Variants in PTPRS observed in about 807,000 individuals in gnomAD.
The protein encoded by PTPRS is protein tyrosine phosphatase receptor type S, also known as receptor-type tyrosine-protein phosphatase S.
In PTPRS, 63 loss-of-function variants were observed where a neutral mutation model predicts 215.3. That is an observed-to-expected ratio of 0.29 (90% CI 0.24 to 0.36). The LOEUF (loss-of-function observed/expected upper bound fraction) is 0.36, where lower values mean the gene tolerates loss of function less well. Among genes scored for constraint, PTPRS ranks in the 10% least tolerant of loss-of-function variants. The pLI, the probability that PTPRS is intolerant of heterozygous loss-of-function variation, is 1.00. For missense variants in PTPRS, 2,258 were observed against 2,825.8 expected (o/e 0.80, Z 4.56); for synonymous variants, 1,404 against 1,191.4 (o/e 1.18, Z -3.68).
At chr19:5,253,103 T>C (rs769223818) in intron 9 of PTPRS, among the ~76,000 whole-genome samples, 4 of 152,072 alleles carry the variant, frequency 2.6e-5, no homozygotes, top group African/African-American at 4.8e-5. Context: ...AGAACATTCA[T>C]AGTCAGGGAG....
Position 5,222,989 on chromosome 19 carries a change from G to A in PTPRS, c.2803C>T (p.Leu935=), listed in dbSNP as rs1064296. 1 of 1,541,514 alleles carries A rather than the reference G, an allele frequency of 6.5e-7. No homozygotes were observed. The highest frequency in any genetic ancestry group is 1.2e-5 in the South Asian group (1 of 84,276). Reference sequence around the variant, plus strand: ...GCCGAGGCGTTGCCGGCCGCCTCCAGAATCTGCGGGTGGCCACGGGGCGTG... The same window carrying A: ...GCCGAGGCGTTGCCGGCCGCCTCCAAAATCTGCGGGTGGCCACGGGGCGTG... ...EDTPRGHPQI[L]EAAGNASAGT... Residue 935 remains leucine (L), a synonymous_variant, in exon 18 of 38, where the codon CTG becomes TTG. Transcript: ENST00000262963.
rs4807697 is a variant in PTPRS, at chr19:5,214,686, A to G, written c.4369T>C (p.Cys1457Arg). The change falls in exon 29 of 38, where the codon TGT becomes CGT. Residue 1457 changes from cysteine to arginine, a missense_variant. Cys to Arg is a radical substitution (Grantham distance 180). Coordinates refer to ENST00000262963, the MANE Select transcript of PTPRS (RefSeq NM_002850.4). ...INANYVDGYRCQNAYIATQGP... is the reference protein window; with the variant it reads ...INANYVDGYRRQNAYIATQGP... ...TGCGTGGCAATGTACGCGTTCTGAC[A>G]CCGGTAGCCGTCCACGTAGTTGGCA... 1,609,467 of 1,612,500 alleles carry G rather than the reference A, an allele frequency of 1. 803,223 individuals are homozygous for G. Among genetic ancestry groups the G allele is most frequent in the East Asian group, 1 (44,833 of 44,834 alleles).
At chr19:5,308,658 G>T (rs1338112166) in intron 1 of PTPRS, among the ~76,000 whole-genome samples, 8 of 152,214 alleles carry the variant, frequency 5.3e-5, no homozygotes, top group Admixed American at 5.2e-4. Flanking sequence ...AGCAGTGGGG[G>T]AAGAGAGCAG....
chr19:5,261,539 T>C (rs2045990626), intron 6 of PTPRS, among the ~76,000 whole-genome samples: 1 of 152,202 alleles, frequency 6.6e-6, no homozygotes, highest in African/African-American at 2.4e-5. Context: ...GGAGAAGTTT[T>C]GGGCCCCCTT....
intron 1 of PTPRS, among the ~76,000 whole-genome samples, chr19:5,325,528 T>G (rs914580459): frequency 6.6e-6 from 1 of 152,176 alleles, no homozygotes; most frequent in Non-Finnish European, 1.5e-5. Context: ...GCCCCCTGCC[T>G]CCACACCACG....
intron 4 of PTPRS, 74 bp from the exon 5 acceptor site, chr19:5,265,270 G>GAGTGGCTGTGCA: frequency 1.4e-6 from 2 of 1,425,834 alleles, no homozygotes; most frequent in East Asian, 2.3e-5. Flanking sequence ...TGGGGCTCAG[G>GAGTGGCTGTGCA]GACTGCCTGG....
intron 30 of PTPRS, 56 bp downstream of exon 30, chr19:5,214,305 C>A: frequency 6.2e-7 from 1 of 1,611,348 alleles, no homozygotes; most frequent in Non-Finnish European, 8.5e-7. Context: ...GGGCCCTCTG[C>A]CTCCCTTCCA....
At position 5,287,772 on chromosome 19, in the gene PTPRS, CAT is replaced by C. The variant is rs1429049301; in HGVS notation, c.-94-1540_-94-1539del. 3.3e-5 allele frequency among the ~76,000 whole-genome samples: 5 copies of C among 152,210 alleles called. No individual in the cohort carries two copies. The highest frequency in any genetic ancestry group is 3.9e-4 in the East Asian group (2 of 5,172). On this transcript the variant is annotated intron_variant, in intron 1 of 37. Transcript: ENST00000262963. This position sits in a 1 kb window ranked among gnomAD's most constrained non-coding sequence, Gnocchi z 4.8. ...ACGGGATTCGGGGGGCCTCAGTGTA[CAT>C]AGTTAGGCCACAGGCATACAGTCAG... is the stretch of plus-strand genomic sequence containing the variant.
intron 2 of PTPRS, among the ~76,000 whole-genome samples, chr19:5,281,186 C>T (rs1317502631): frequency 1.3e-5 from 2 of 151,934 alleles, no homozygotes; most frequent in Non-Finnish European, 2.9e-5. Flanking sequence ...AGAAGCTGGG[C>T]ATGGTAGCTC....
intron 17 of PTPRS, 21 bp downstream of exon 17, chr19:5,225,706 G>T: frequency 6.3e-7 from 1 of 1,598,136 alleles, no homozygotes; most frequent in Non-Finnish European, 8.6e-7. Flanking sequence ...TTGGTGGGTG[G>T]GAGGAGGGCG....
rs556847648 is a variant in PTPRS, at chr19:5,325,747, T to C, written c.-95+14917A>G. Among the ~76,000 whole-genome samples, 21 of 152,238 alleles carry C rather than the reference T, an allele frequency of 1.4e-4. No homozygotes were observed. The East Asian group carries it at 3.3e-3, about 24-fold the overall frequency. Reference sequence around the variant, plus strand: ...GAGGACACCGGCCAATTCATCTCCTTCTCCTCAGTAAACAACTGTCAGGGA... The same window carrying C: ...GAGGACACCGGCCAATTCATCTCCTCCTCCTCAGTAAACAACTGTCAGGGA... On this transcript the variant is annotated intron_variant, in intron 1 of 37. Transcript: ENST00000262963.
At chr19:5,212,292 C>T (rs375839277) in intron 31 of PTPRS, 42 bp from the exon 32 acceptor site, 39 of 1,608,488 alleles carry the variant, frequency 2.4e-5, no homozygotes, top group South Asian at 6.6e-5. Flanking sequence ...TGCTGGGCTG[C>T]GGGGACCGGG....
At chr19:5,240,619 C>T (rs999442583) in intron 11 of PTPRS, among the ~76,000 whole-genome samples, 9 of 151,902 alleles carry the variant, frequency 5.9e-5, no homozygotes, top group Non-Finnish European at 1.3e-4. Flanking sequence ...GCGGGCAGAT[C>T]ACGAGATCAG....
intron 1 of PTPRS, among the ~76,000 whole-genome samples, chr19:5,289,816 G>A (rs1189831836): frequency 6.6e-6 from 1 of 152,160 alleles, no homozygotes; most frequent in African/African-American, 2.4e-5. Flanking sequence ...GAGGGAGAGG[G>A]GGAGAGATGA....
At chr19:5,267,726 C>A (rs2046538704) in intron 4 of PTPRS, among the ~76,000 whole-genome samples, 2 of 150,066 alleles carry the variant, frequency 1.3e-5, no homozygotes, top group Non-Finnish European at 3.0e-5. Flanking sequence ...CCCGCCCCCC[C>A]AACTCCACTC....
chr19:5,290,400 C>T (rs540918468), intron 1 of PTPRS, among the ~76,000 whole-genome samples: 21 of 152,244 alleles, frequency 1.4e-4, no homozygotes, highest in Non-Finnish European at 2.8e-4. Flanking sequence ...GCCCGCTGGC[C>T]GCCTCTGGGG....
rs571398453 is a variant in PTPRS at position 5,274,850 on chromosome 19, T to C, written c.92-506A>G. Among the ~76,000 whole-genome samples, 6 of 152,136 alleles carry C rather than the reference T, an allele frequency of 3.9e-5. No homozygotes were observed. In the East Asian group the frequency reaches 1.2e-3, roughly 29 times the overall value. The stretch of plus-strand genomic sequence containing the variant: ...TGTGGGGAAACTGAGGCACCCAGCA[T>C]GGGGGCGGGGGGTGACCATGGGACA... On this transcript the variant is annotated intron_variant, in intron 2 of 37. Coordinates refer to ENST00000262963, the MANE Select transcript of PTPRS (RefSeq NM_002850.4).
At chr19:5,258,196 C>G (rs758313751) in intron 7 of PTPRS, 69 bp from the exon 8 acceptor site, 32 of 1,296,774 alleles carry the variant, frequency 2.5e-5, no homozygotes, top group Middle Eastern at 1.8e-4. Flanking sequence ...AAAGCTCCCC[C>G]ACCAGAGTGC....
At chr19:5,215,465 G>C (rs775714613) in intron 27 of PTPRS, 33 bp downstream of exon 27, 2 of 1,608,834 alleles carry the variant, frequency 1.2e-6, no homozygotes, top group South Asian at 2.2e-5. Flanking sequence ...GTGAGGCCGA[G>C]GTGATGAGGG....
Sources: gnomAD v4.1 joint callset for allele counts (sites outside exome capture counted in the v4.1 genomes callset) on GRCh38, gnomAD v4.1.1 for gene constraint, Gnocchi (gnomAD v3.1) non-coding constraint, MANE v1.5 for transcripts, NCBI Gene and HGNC (gene_info 2026-07-23, HGNC 2026-07-21) for gene names.